Variants in ATP2B4 observed in about 807,000 individuals in gnomAD.
ATP2B4 encodes plasma membrane calcium-transporting ATPase 4.
In ATP2B4, 39 loss-of-function variants were observed where a neutral mutation model predicts 110.3. The ratio of observed to expected loss-of-function variants is 0.35; its 90% CI spans 0.27 to 0.46. ATP2B4 has a LOEUF of 0.46. ATP2B4 is among the 20% of genes least tolerant of loss of function. The pLI is 1.00. For missense variants in ATP2B4, 1,135 were observed against 1,530.9 expected, an observed-to-expected ratio of 0.74 and a Z score of 4.32; for synonymous variants, 538 against 571.7, an observed-to-expected ratio of 0.94 and a Z score of 0.84.
chr1:203,672,789 C>A (rs2102347268), intron 1 of ATP2B4, among the ~76,000 whole-genome samples: 1 of 152,272 alleles, frequency 6.6e-6, no homozygotes, highest in African/African-American at 2.4e-5. Context: ...GAAGACAGGG[C>A]TGGGAGGGGA....
Position 203,739,953 on chromosome 1 carries a change from G to A in ATP2B4, c.*99G>A, listed in dbSNP as rs973807419. Reference sequence around the variant, plus strand: ...GGGACTTTTCATTGTCACGTCAGCTGCTGTGTTAACAGCAGTGTGTGTGAA... The same window carrying A: ...GGGACTTTTCATTGTCACGTCAGCTACTGTGTTAACAGCAGTGTGTGTGAA... On this transcript the variant is annotated 3_prime_UTR_variant, in exon 21 of 21. Coordinates refer to ENST00000357681, the MANE Select transcript of ATP2B4 (RefSeq NM_001684.5). 30 of 1,302,152 alleles carry A rather than the reference G, an allele frequency of 2.3e-5. No homozygotes were observed. The highest frequency in any genetic ancestry group is 4.8e-5 in the Admixed American group (2 of 41,396). 80.7% of individuals were successfully genotyped at this position (1,302,152 alleles called of 1,614,324 possible). A position where few individuals can be genotyped will look rare whatever the true frequency, so the allele number is the denominator to read the frequency against.
chr1:203,728,151 C>T (rs2102226859), intron 20 of ATP2B4: 1 of 463,292 alleles, frequency 2.2e-6, no homozygotes, highest in Middle Eastern at 3.3e-4. Flanking sequence ...GATGTCTGAG[C>T]ATCTTTTGCA....
rs946339706 is a variant in ATP2B4 at position 203,699,465 on chromosome 1, G to T, written c.397G>T (p.Gly133Cys). 4.3e-6 allele frequency: 7 copies of T among 1,614,106 alleles called. No individual in the cohort carries two copies. The highest frequency in any genetic ancestry group is 5.9e-6 in the Non-Finnish European group (7 of 1,180,016). Reference sequence around the variant, plus strand: ...TCTCTCCCTTCCTGGGATAGTGTGTGGTCAAGTCGCAACTACCCCAGAAGA... The same window carrying T: ...TCTCTCCCTTCCTGGGATAGTGTGTTGTCAAGTCGCAACTACCCCAGAAGA... ...RPAGEENELC[G>C]QVATTPEDEN... Residue 133 changes from glycine (G) to cysteine (C), a missense_variant, in exon 4 of 21, where the codon GGT (glycine) becomes TGT (cysteine). Physicochemically the swap from Gly to Cys is radical, Grantham distance 159. Around this residue, in one of 9 missense-constraint regions of ATP2B4, gnomAD observed 101 missense variants for 182.6 expected, o/e 0.55. Coordinates refer to ENST00000357681, the MANE Select transcript of ATP2B4 (RefSeq NM_001684.5).
intron 2 of ATP2B4, among the ~76,000 whole-genome samples, chr1:203,692,967 G>T (rs2102375871): frequency 6.6e-6 from 1 of 152,334 alleles, no homozygotes; most frequent in African/African-American, 2.4e-5. Context: ...CATAGGGCCA[G>T]AAGTACTCCC....
At chr1:203,689,221 G>A (rs1665294428) in intron 2 of ATP2B4, among the ~76,000 whole-genome samples, 1 of 152,236 alleles carries the variant, frequency 6.6e-6, no homozygotes, top group African/African-American at 2.4e-5. Flanking sequence ...TGTGGCTTAA[G>A]GGGAAGAAGG....
At chr1:203,738,814 G>A (rs1273056261) in intron 20 of ATP2B4, among the ~76,000 whole-genome samples, 5 of 152,208 alleles carry the variant, frequency 3.3e-5, no homozygotes, top group African/African-American at 7.2e-5. Flanking sequence ...CTGCTTCTAG[G>A]GAAGGGGCTG....
intron 1 of ATP2B4, among the ~76,000 whole-genome samples, chr1:203,672,575 G>A (rs562661860): frequency 5.9e-5 from 9 of 152,080 alleles, no homozygotes; most frequent in East Asian, 1.9e-4. Context: ...GTGGGCAGGC[G>A]CTCCCTGAGA....
At chr1:203,670,039 T>C (rs779903104) in intron 1 of ATP2B4, among the ~76,000 whole-genome samples, 6 of 152,220 alleles carry the variant, frequency 3.9e-5, no homozygotes, top group Non-Finnish European at 7.3e-5. Context: ...TGCGAGCCCT[T>C]TGGAATAGAT....
chr1:203,690,290 AT>A (rs1469975901), intron 2 of ATP2B4, among the ~76,000 whole-genome samples: 1 of 152,176 alleles, frequency 6.6e-6, no homozygotes, highest in African/African-American at 2.4e-5. Flanking sequence ...GGTGTAGCAG[AT>A]TGAAATTTCT....
chr1:203,717,193 A>G (rs527832639), intron 15 of ATP2B4, among the ~76,000 whole-genome samples: 99 of 152,260 alleles, frequency 6.5e-4, no homozygotes, highest in Middle Eastern at 3.4e-3. Flanking sequence ...GCTAGACTCC[A>G]TCTCAAAAAA....
chr1:203,630,426 G>T (rs1663233343), intron 1 of ATP2B4, among the ~76,000 whole-genome samples: 1 of 145,438 alleles, frequency 6.9e-6, no homozygotes, highest in South Asian at 2.1e-4. Flanking sequence ...CAAAGACATG[G>T]ATTAGCCCTA....
Position 203,627,094 on chromosome 1 carries a change from C to T in ATP2B4, c.-590C>T, listed in dbSNP as rs923937499. The T allele has an allele frequency of 2.0e-5, 3 of 152,298 alleles. No homozygotes were observed. Among genetic ancestry groups the T allele is most frequent in the Non-Finnish European group, 4.4e-5 (3 of 68,084 alleles). 9.4% of individuals were successfully genotyped at this position (152,298 alleles called of 1,614,324 possible). On this transcript the variant is annotated 5_prime_UTR_variant, in exon 1 of 21. Coordinates refer to ENST00000357681, the MANE Select transcript of ATP2B4 (RefSeq NM_001684.5). ...AGCCAGAAAGGCAAGAGAGCAAAGCCAGCGTCTCTAGCTTGGTTGCCACAC... is the reference window on the plus strand; with the variant it reads ...AGCCAGAAAGGCAAGAGAGCAAAGCTAGCGTCTCTAGCTTGGTTGCCACAC...
chr1:203,700,790 C>T lies in ATP2B4; in HGVS notation c.776-8C>T, dbSNP rs1665668208. ...CCATTCCTTCCCATCTTCTCCTTTC[C>T]CGTGTAGGGACCCATGTCATGGAAG... On this transcript the variant is annotated splice_polypyrimidine_tract_variant and splice_region_variant and intron_variant, in intron 5 of 20. Coordinates refer to ENST00000357681, the MANE Select transcript of ATP2B4 (RefSeq NM_001684.5). 6.2e-7 allele frequency: 1 copy of T among 1,613,092 alleles called. No individual in the cohort carries two copies. Among genetic ancestry groups the T allele is most frequent in the Non-Finnish European group, 8.5e-7 (1 of 1,179,440 alleles).
rs1571789421 is a variant in ATP2B4 at position 203,743,119 on chromosome 1, G to A, written c.*3265G>A. ...AGGGTTTGAGTTTCTTCTTCCCCTTGAGCTTCAGAGAGGAGAGTTGGCATG... is the reference window on the plus strand; with the variant it reads ...AGGGTTTGAGTTTCTTCTTCCCCTTAAGCTTCAGAGAGGAGAGTTGGCATG... On this transcript the variant is annotated 3_prime_UTR_variant, in exon 21 of 21. Transcript: ENST00000357681. The A allele has an allele frequency of 6.6e-6, 1 of 152,634 alleles. No individual in the cohort carries two copies. Among genetic ancestry groups the A allele is most frequent in the Admixed American group, 6.5e-5 (1 of 15,282 alleles). 9.5% of individuals were successfully genotyped at this position (152,634 alleles called of 1,614,324 possible).
chr1:203,717,594 TCCTGCTTC>T (rs1666194877), intron 15 of ATP2B4, among the ~76,000 whole-genome samples: 4 of 151,878 alleles, frequency 2.6e-5, no homozygotes, highest in Non-Finnish European at 5.9e-5. Flanking sequence ...CTCCAAGGAT[TCCTGCTTC>T]ATTTTAATGT....
At chr1:203,699,772 A>G in intron 4 of ATP2B4, 55 bp downstream of exon 4, 1 of 1,599,992 alleles carries the variant, frequency 6.3e-7, no homozygotes, top group Non-Finnish European at 8.5e-7. Context: ...TTTAAGGGAT[A>G]GGTCCTTTGG....
chr1:203,650,924 T>A (rs12407055), intron 1 of ATP2B4, among the ~76,000 whole-genome samples: 49,280 of 152,000 alleles, frequency 0.32, 9,861 homozygotes, highest in African/African-American at 0.55. Context: ...CAGTATATTG[T>A]GTATGTTTTT....
chr1:203,638,414 G>A (rs1248123473), intron 1 of ATP2B4, among the ~76,000 whole-genome samples: 2 of 152,166 alleles, frequency 1.3e-5, no homozygotes, highest in African/African-American at 4.8e-5. Context: ...GGGAGCACTC[G>A]TACGACATCT....
chr1:203,659,252 C>T (rs948836093), intron 1 of ATP2B4, among the ~76,000 whole-genome samples: 2 of 151,970 alleles, frequency 1.3e-5, no homozygotes, highest in Non-Finnish European at 2.9e-5. Context: ...GTTGTGATAT[C>T]GAAGAAAATA....
Sources: allele counts gnomAD v4.1 joint callset (sites outside exome capture counted in the v4.1 genomes callset), GRCh38; gene constraint gnomAD v4.1.1; regional missense constraint gnomAD v4.1.1; transcripts MANE v1.5; gene names NCBI Gene and HGNC (gene_info 2026-07-23, HGNC 2026-07-21).